The following ITGA9 variants were observed in gnomAD, a reference collection of about 807,000 sequenced individuals.
ITGA9 encodes the protein integrin subunit alpha 9.
In ITGA9, 56 loss-of-function variants were observed where a neutral mutation model predicts 127.8. The ratio of observed to expected loss-of-function variants is 0.44; its 90% confidence interval spans 0.35 to 0.55. The LOEUF (loss-of-function observed/expected upper bound fraction) is 0.55, where lower values mean the gene tolerates loss of function less well. ITGA9 is among the 20% of genes least tolerant of loss of function. The pLI, the probability that ITGA9 is intolerant of heterozygous loss-of-function variation, is 0.00. For missense variants in ITGA9, 1,196 were observed against 1,347.1 expected (o/e 0.89, Z 1.76); for synonymous variants, 508 against 514.5 (o/e 0.99, Z 0.17).
chr3:37,606,622 C>T (rs890249170), intron 15 of ITGA9, among the ~76,000 whole-genome samples: 10 of 152,296 alleles, frequency 6.6e-5, no homozygotes, highest in African/African-American at 2.4e-4. Context: ...GTGGTGCATA[C>T]TTTGTGTTGG....
At chr3:37,655,809 G>A (rs1700472406) in intron 17 of ITGA9, among the ~76,000 whole-genome samples, 1 of 152,160 alleles carries the variant, frequency 6.6e-6, no homozygotes, top group African/African-American at 2.4e-5. Context: ...TTTTCTTCTA[G>A]AGTTTTTATG....
At chr3:37,534,978 T>C (rs1366388058) in intron 14 of ITGA9, among the ~76,000 whole-genome samples, 1 of 152,268 alleles carries the variant, frequency 6.6e-6, no homozygotes, top group Admixed American at 6.5e-5. Flanking sequence ...GCAGTCTGTC[T>C]TCTGTCCAGT....
chr3:37,597,707 G>A lies in ITGA9; in HGVS notation c.1690-31480G>A, dbSNP rs1465674498. Among the ~76,000 whole-genome samples, 1 of 152,228 alleles carries A rather than the reference G, an allele frequency of 6.6e-6. No homozygotes were observed. The highest frequency in any genetic ancestry group is 2.4e-5 in the African/African-American group (1 of 41,466). On this transcript the variant is annotated intron_variant, in intron 15 of 27. Coordinates refer to ENST00000264741, the MANE Select transcript of ITGA9 (RefSeq NM_002207.3). This position sits in a 1 kb window ranked among gnomAD's most constrained non-coding sequence, Gnocchi z 4.6. ...TATGTGTTACAATAATAATGCTGCAGAACAAACTCAAAACTTCAGTGGCAT... is the reference window on the plus strand; with the variant it reads ...TATGTGTTACAATAATAATGCTGCAAAACAAACTCAAAACTTCAGTGGCAT...
intron 15 of ITGA9, among the ~76,000 whole-genome samples, chr3:37,546,675 T>C (rs181231514): frequency 6.6e-6 from 1 of 152,290 alleles, no homozygotes; most frequent in African/African-American, 2.4e-5. Context: ...CAGAACCTTG[T>C]TGGAGTGACT....
At chr3:37,464,094 A>G (rs1698344188) in intron 1 of ITGA9, among the ~76,000 whole-genome samples, 1 of 150,266 alleles carries the variant, frequency 6.7e-6, no homozygotes, top group African/African-American at 2.5e-5. Context: ...GTTGCTAGGT[A>G]GATTTCCTCA....
In ITGA9 at chr3:37,716,847, C is replaced by T. The variant is rs143798487; in HGVS notation, c.2068-15865C>T. Among the ~76,000 whole-genome samples, 229 of 152,194 alleles carry T rather than the reference C, an allele frequency of 1.5e-3. 1 individual carries two copies. Among genetic ancestry groups the T allele is most frequent in the African/African-American group, 5.4e-3 (223 of 41,512 alleles). On this transcript the variant is annotated intron_variant, in intron 18 of 27. Transcript: ENST00000264741. ...GTAAGATAATCTTGGAAGGCAAAGC[C>T]TGTCTCCCTATATTGTTCTTAAAAA...
At chr3:37,742,409 C>T (rs893528155) in intron 21 of ITGA9, among the ~76,000 whole-genome samples, 5 of 152,184 alleles carry the variant, frequency 3.3e-5, no homozygotes, top group Non-Finnish European at 4.4e-5. Context: ...AGTCCACGGT[C>T]ATTCAGTGCC....
At chr3:37,464,705 C>T (rs1398455748) in intron 1 of ITGA9, among the ~76,000 whole-genome samples, 4 of 152,204 alleles carry the variant, frequency 2.6e-5, no homozygotes, top group Non-Finnish European at 5.9e-5. Context: ...CCAGGTAGAA[C>T]TACTGGCTTA....
chr3:37,776,191 G>T (rs1475391740), intron 23 of ITGA9, among the ~76,000 whole-genome samples: 1 of 152,174 alleles, frequency 6.6e-6, no homozygotes, highest in African/African-American at 2.4e-5. Context: ...GAGAATGGAG[G>T]TTGGAAGGAG....
At chr3:37,808,752 C>G (rs112468796) in intron 27 of ITGA9, 1 of 152,216 alleles carries the variant, frequency 6.6e-6, no homozygotes, top group East Asian at 1.9e-4. Flanking sequence ...CATTCTCATG[C>G]CTGGCACCTT....
At chr3:37,510,941 T>C (rs962662709) in intron 8 of ITGA9, among the ~76,000 whole-genome samples, 6 of 152,208 alleles carry the variant, frequency 3.9e-5, no homozygotes, top group African/African-American at 9.7e-5. Flanking sequence ...ATACAACTTA[T>C]TCTACTTCTT....
At chr3:37,724,497 T>C (rs1701225598) in intron 18 of ITGA9, among the ~76,000 whole-genome samples, 1 of 152,220 alleles carries the variant, frequency 6.6e-6, no homozygotes, top group South Asian at 2.1e-4. Flanking sequence ...TACTAAATGC[T>C]GTCTCCTTTT....
chr3:37,646,731 T>C (rs1178060306), intron 16 of ITGA9, among the ~76,000 whole-genome samples: 2 of 152,192 alleles, frequency 1.3e-5, no homozygotes, highest in Admixed American at 1.3e-4. Flanking sequence ...ATTTGTCTGA[T>C]TGAAGCAGCC....
At position 37,503,245 on chromosome 3, in the gene ITGA9, C is replaced by T. The variant is rs149428936; in HGVS notation, c.680C>T (p.Thr227Met). The T allele has an allele frequency of 1.7e-4, 274 of 1,613,950 alleles. 4 individuals carry two copies. Among genetic ancestry groups the T allele is most frequent in the Admixed American group, 1.6e-3 (97 of 60,006 alleles). Residue 227 changes from threonine to methionine, a missense_variant, in exon 6 of 28, where the codon ACG becomes ATG. By Grantham distance (81) the Thr-to-Met change is moderately conservative (BLOSUM62 -1). Coordinates refer to ENST00000264741, the MANE Select transcript of ITGA9 (RefSeq NM_002207.3). ...WAGTIKVLNL[T>M]DNTYLKLNDE... is the part of the protein sequence containing the mutation. ...GGAACCATCAAAGTGCTGAACCTTA[C>T]GGACAACACCTATTTAAAACTGAAC...
chr3:37,481,111 T>C (rs983751159), intron 3 of ITGA9, among the ~76,000 whole-genome samples: 3 of 152,192 alleles, frequency 2.0e-5, no homozygotes, highest in African/African-American at 7.2e-5. Context: ...TACATTCTGC[T>C]ATCCTTTGAA....
At chr3:37,502,222 T>TC (rs1698793913) in intron 5 of ITGA9, among the ~76,000 whole-genome samples, 1 of 149,538 alleles carries the variant, frequency 6.7e-6, no homozygotes, top group East Asian at 1.9e-4. Flanking sequence ...TCTTTTTTTT[T>TC]TTTTTTTTTT....
At chr3:37,576,176 G>T (rs762268370) in intron 15 of ITGA9, among the ~76,000 whole-genome samples, 3 of 152,172 alleles carry the variant, frequency 2.0e-5, no homozygotes, top group Non-Finnish European at 4.4e-5. Context: ...ATCCTCCAGG[G>T]AGGACATAGC....
At chr3:37,465,816 G>A in intron 1 of ITGA9, among the ~76,000 whole-genome samples, 1 of 152,142 alleles carries the variant, frequency 6.6e-6, no homozygotes, top group East Asian at 1.9e-4. Flanking sequence ...GCTCACTGGG[G>A]CTTGCTCAGG....
chr3:37,628,652 A>G (rs1422777581), intron 15 of ITGA9, among the ~76,000 whole-genome samples: 1 of 152,028 alleles, frequency 6.6e-6, no homozygotes, highest in Non-Finnish European at 1.5e-5. Context: ...TTGGGGCTTG[A>G]GATTCTTGGA....
Sources: allele counts gnomAD v4.1 joint callset (sites outside exome capture counted in the v4.1 genomes callset), GRCh38; gene constraint gnomAD v4.1.1; non-coding constraint Gnocchi (gnomAD v3.1); transcripts MANE v1.5; gene names NCBI Gene and HGNC (gene_info 2026-07-23, HGNC 2026-07-21).